The following CTDP1 variants were observed in gnomAD, a reference collection of about 807,000 sequenced individuals.
CTDP1 encodes the protein RNA polymerase II subunit A C-terminal domain phosphatase.
Under a neutral mutation model 91.8 loss-of-function variants are expected in CTDP1, and 47 were observed. That is an observed-to-expected ratio of 0.51 (90% confidence interval 0.41 to 0.65). The LOEUF (loss-of-function observed/expected upper bound fraction) is 0.65, where lower values mean the gene tolerates loss of function less well. Among genes scored for constraint, CTDP1 ranks in the 30% least tolerant of loss-of-function variants. The pLI is 0.00. For synonymous variants in CTDP1, 656 were observed against 598.5 expected, an observed-to-expected ratio of 1.10 and a Z score of -1.40; for missense variants, 1,272 against 1,373.7, an observed-to-expected ratio of 0.93 and a Z score of 1.17.
chr18:79,743,436 G>T (rs1033090632), intron 12 of CTDP1, among the ~76,000 whole-genome samples: 23 of 146,742 alleles, frequency 1.6e-4, no homozygotes, highest in Non-Finnish European at 3.3e-4. Context: ...TGAGGCAGGA[G>T]AATTGCTTGA....
intron 12 of CTDP1, among the ~76,000 whole-genome samples, chr18:79,744,527 G>C (rs919674440): frequency 2.0e-5 from 3 of 152,252 alleles, no homozygotes; most frequent in African/African-American, 7.2e-5. Flanking sequence ...GGACAACTGG[G>C]TCAGAGGCCA....
intron 1 of CTDP1, chr18:79,681,601 G>A (rs1214257843): frequency 6.1e-6 from 3 of 488,540 alleles, no homozygotes; most frequent in African/African-American, 2.1e-5. Flanking sequence ...CAGTGCATCA[G>A]TCAGTCAGCC....
At chr18:79,678,465 T>C (rs1187651550), upstream of CTDP1, 1 of 152,226 alleles carries the variant, frequency 6.6e-6, no homozygotes, top group Non-Finnish European at 1.5e-5. Context: ...GCCCCCTTTT[T>C]TGCCTTTAAA....
chr18:79,753,865 T>C lies in CTDP1; in HGVS notation c.*75T>C, dbSNP rs1429630700. The C allele has an allele frequency of 1.9e-6, 3 of 1,553,848 alleles. No homozygotes were observed. Among genetic ancestry groups the C allele is most frequent in the Non-Finnish European group, 2.6e-6 (3 of 1,144,600 alleles). On this transcript the variant is annotated 3_prime_UTR_variant, in exon 13 of 13. Coordinates refer to ENST00000613122, the MANE Select transcript of CTDP1 (RefSeq NM_004715.5). ...CGGACGTCCCCGGACCAGCCCTCAG[T>C]CTCGGTCCACGCTGCTTTCTTCCCA... is the stretch of plus-strand genomic sequence containing the variant.
intron 12 of CTDP1, among the ~76,000 whole-genome samples, chr18:79,741,666 C>T (rs755467648): frequency 6.6e-6 from 1 of 152,216 alleles, no homozygotes. Flanking sequence ...CAACACTCAG[C>T]TCTTCTCCAC....
Position 79,714,479 on chromosome 18 carries a change from A to C in CTDP1, c.1031-12A>C. The stretch of plus-strand genomic sequence containing the variant: ...AAATTGCGGTAACTTTTCCTTTTGC[A>C]TGCATATTTAGTAAATCATTCTCGA... On this transcript the variant is annotated splice_polypyrimidine_tract_variant and intron_variant, in intron 7 of 12. Transcript: ENST00000613122. 2 of 1,612,940 alleles carry C rather than the reference A, an allele frequency of 1.2e-6. No homozygotes were observed. Among genetic ancestry groups the C allele is most frequent in the Non-Finnish European group, 1.7e-6 (2 of 1,179,888 alleles).
Position 79,713,270 on chromosome 18 carries a change from T to G in CTDP1, c.1030+132T>G. The G allele has an allele frequency of 3.0e-6, 3 of 1,001,934 alleles. No homozygotes were observed. The South Asian group carries it at 4.5e-5, about 15-fold the overall frequency. 62.1% of individuals were successfully genotyped at this position (1,001,934 alleles called of 1,614,324 possible). ...TTTTTTATTTGTGTTTCAGTAGAGA[T>G]TATTGGATTTATTTATAGAGTACTG... On this transcript the variant is annotated intron_variant, in intron 7 of 12. Transcript: ENST00000613122. This position sits in a 1 kb window ranked among gnomAD's most constrained non-coding sequence, Gnocchi z 4.7.
chr18:79,681,846 C>T lies in CTDP1; in HGVS notation c.314+1585C>T, dbSNP rs146153278. 9.5e-4 allele frequency among the ~76,000 whole-genome samples: 144 copies of T among 152,306 alleles called. 1 individual carries two copies. Among genetic ancestry groups the T allele is most frequent in the African/African-American group, 3.4e-3 (141 of 41,566 alleles). On this transcript the variant is annotated intron_variant, in intron 1 of 12. Coordinates refer to ENST00000613122, the MANE Select transcript of CTDP1 (RefSeq NM_004715.5). Reference sequence around the variant, plus strand: ...TCCTTGCCTTAGAGAAAGCCACAGACGGTGCTGCCTGGAATTTGAGGTGGC... The same window carrying T: ...TCCTTGCCTTAGAGAAAGCCACAGATGGTGCTGCCTGGAATTTGAGGTGGC...
chr18:79,723,140 G>A (rs2086379481), intron 10 of CTDP1, among the ~76,000 whole-genome samples: 1 of 152,204 alleles, frequency 6.6e-6, no homozygotes, highest in Admixed American at 6.5e-5. Flanking sequence ...GCTTGCAACA[G>A]CACTGGTGCC....
intron 12 of CTDP1, among the ~76,000 whole-genome samples, chr18:79,744,702 A>G (rs902161250): frequency 6.6e-6 from 1 of 152,240 alleles, no homozygotes; most frequent in African/African-American, 2.4e-5. Flanking sequence ...GCACATGTGC[A>G]CCGGAAGTGA....
At chr18:79,731,793 G>A (rs1451920175) in intron 11 of CTDP1, among the ~76,000 whole-genome samples, 2 of 152,222 alleles carry the variant, frequency 1.3e-5, no homozygotes, top group Non-Finnish European at 2.9e-5. Flanking sequence ...GAAATATGAT[G>A]ACCCTGATAA....
In CTDP1 at chr18:79,713,041, C is replaced by T; in HGVS notation, c.933C>T (p.Ala311=). 1.2e-6 allele frequency: 2 copies of T among 1,613,942 alleles called. No individual in the cohort carries two copies. The highest frequency in any genetic ancestry group is 1.1e-5 in the South Asian group (1 of 91,060). The stretch of plus-strand genomic sequence containing the variant: ...ATCGAGAAGATGTCTGGAAGTTTGC[C>T]CCCAATCTGATAACTGTGAAGAAAT... ...IDDREDVWKF[A]PNLITVKKYV... is the part of the protein sequence containing the mutation. The change falls in exon 7 of 13, where the codon GCC becomes GCT. Residue 311 remains alanine, a synonymous_variant. Transcript: ENST00000613122. The surrounding 1 kb of genome is among the most constrained non-coding windows in gnomAD (Gnocchi z 4.7).
At chr18:79,723,551 A>C (rs1015484873) in intron 10 of CTDP1, among the ~76,000 whole-genome samples, 5 of 152,030 alleles carry the variant, frequency 3.3e-5, no homozygotes, top group Non-Finnish European at 7.4e-5. Flanking sequence ...CTCACTGGGG[A>C]CCTGGGGGTG....
At chr18:79,690,643 C>G (rs1479893876) in intron 1 of CTDP1, among the ~76,000 whole-genome samples, 1 of 152,192 alleles carries the variant, frequency 6.6e-6, no homozygotes, top group Non-Finnish European at 1.5e-5. Flanking sequence ...AGACATTGCT[C>G]TCTGCTCCCT....
intron 11 of CTDP1, among the ~76,000 whole-genome samples, chr18:79,733,397 G>A (rs2086603909): frequency 6.6e-6 from 1 of 152,234 alleles, no homozygotes; most frequent in African/African-American, 2.4e-5. Flanking sequence ...TGGAACTGCG[G>A]GGAAGGGAAG....
Position 79,698,067 on chromosome 18 carries a change from G to GT in CTDP1, c.621+85dup, listed in dbSNP as rs560241048. ...TTTTGATTCAGAAGTGTGTTCTCTT[G>GT]TTTTTTAGATGATTTCCCGTAGGTC... On this transcript the variant is annotated intron_variant, in intron 4 of 12. Transcript: ENST00000613122. The GT allele has an allele frequency of 9.6e-5, 151 of 1,576,278 alleles. 1 individual carries two copies. The African/African-American group carries it at 1.6e-3, about 17-fold the overall frequency.
At chr18:79,703,229 C>T (rs1425781896) in intron 4 of CTDP1, 1 of 152,202 alleles carries the variant, frequency 6.6e-6, no homozygotes, top group Non-Finnish European at 1.5e-5. Context: ...AAAGTTGTTA[C>T]TAGAACTTCT....
chr18:79,717,428 C>A, intron 8 of CTDP1, 107 bp from the exon 9 acceptor site: 1 of 1,518,730 alleles, frequency 6.6e-7, no homozygotes, highest in Non-Finnish European at 9.0e-7. Flanking sequence ...GGGCCCTGAG[C>A]CCTGGTGGGG....
chr18:79,692,301 G>A (rs1484355454), intron 1 of CTDP1, among the ~76,000 whole-genome samples: 1 of 152,108 alleles, frequency 6.6e-6, no homozygotes, highest in Non-Finnish European at 1.5e-5. Flanking sequence ...GAGTTTTCTG[G>A]GCACCTTGGT....
Sources: gnomAD v4.1 joint callset for allele counts (sites outside exome capture counted in the v4.1 genomes callset) on GRCh38, gnomAD v4.1.1 for gene constraint, Gnocchi (gnomAD v3.1) non-coding constraint, MANE v1.5 for transcripts, NCBI Gene and HGNC (gene_info 2026-07-23, HGNC 2026-07-21) for gene names.